The following CACUL1 variants were observed in gnomAD, a reference collection of about 807,000 sequenced individuals.
CACUL1 encodes the protein CDK2 associated cullin domain 1.
CACUL1 carries 13 observed loss-of-function variants against 45.2 expected under a neutral mutation model. The ratio of observed to expected loss-of-function variants is 0.29; its 90% CI spans 0.19 to 0.46. The LOEUF is 0.46. Among genes scored for constraint, CACUL1 ranks in the 20% least tolerant of loss-of-function variants. The pLI is 1.00. For missense variants in CACUL1, 421 were observed against 471.4 expected, an observed-to-expected ratio of 0.89 and a Z score of 0.99; for synonymous variants, 197 against 174.2, an observed-to-expected ratio of 1.13 and a Z score of -1.03.
At chr10:118,749,748 A>C (rs961761584) in intron 1 of CACUL1, among the ~76,000 whole-genome samples, 2 of 152,250 alleles carry the variant, frequency 1.3e-5, no homozygotes. Context: ...CCTAAGAGAC[A>C]GGAACGTCAC....
Position 118,678,283 on chromosome 10 carries a change from C to G in CACUL1, c.*7845G>C, listed in dbSNP as rs1054637602. 2 of 152,202 alleles carry G rather than the reference C, an allele frequency of 1.3e-5. No individual in the cohort carries two copies. The highest frequency in any genetic ancestry group is 4.8e-5 in the African/African-American group (2 of 41,452). The allele number at this position is 152,202 out of a possible 1,614,324, so 9.4% of individuals were successfully genotyped here. A position where few individuals can be genotyped will look rare whatever the true frequency, so the allele number is the denominator to read the frequency against. Reference sequence around the variant, plus strand: ...CAGCATGTTTGGTAATAAGTACTTACAATCAATGGTAGCCAAATTACTTAT... The same window carrying G: ...CAGCATGTTTGGTAATAAGTACTTAGAATCAATGGTAGCCAAATTACTTAT... On this transcript the variant is annotated 3_prime_UTR_variant, in exon 9 of 9. Transcript: ENST00000369151.
chr10:118,688,767 G>A (rs1845232813), intron 7 of CACUL1, among the ~76,000 whole-genome samples: 1 of 152,166 alleles, frequency 6.6e-6, no homozygotes, highest in Non-Finnish European at 1.5e-5. Flanking sequence ...GAGATAAAAA[G>A]AAGCTGTTGC....
intron 5 of CACUL1, among the ~76,000 whole-genome samples, chr10:118,695,704 G>C: frequency 6.6e-6 from 1 of 152,184 alleles, no homozygotes; most frequent in East Asian, 1.9e-4. Context: ...CAAGAGCTAA[G>C]GGCAAGGGAT....
intron 1 of CACUL1, among the ~76,000 whole-genome samples, chr10:118,747,195 C>G (rs939069815): frequency 4.6e-5 from 7 of 152,096 alleles, no homozygotes; most frequent in African/African-American, 1.7e-4. Context: ...TGGTGGGGAC[C>G]GATGCTCTAG....
At chr10:118,696,635 ACTAT>A (rs998521737) in intron 5 of CACUL1, among the ~76,000 whole-genome samples, 2 of 152,192 alleles carry the variant, frequency 1.3e-5, no homozygotes, top group Admixed American at 6.5e-5. Context: ...ACAGCGAGAC[ACTAT>A]CTAATAAAAA....
At chr10:118,744,348 T>C (rs1564839636) in intron 1 of CACUL1, among the ~76,000 whole-genome samples, 2 of 152,024 alleles carry the variant, frequency 1.3e-5, no homozygotes, top group South Asian at 2.1e-4. Flanking sequence ...ATCGCGCCAT[T>C]GCACTCCAGC....
chr10:118,692,330 AAAG>A (rs1161067335), intron 6 of CACUL1: 1 of 152,208 alleles, frequency 6.6e-6, no homozygotes, highest in African/African-American at 2.4e-5. Flanking sequence ...AAAATAAGGC[AAAG>A]AAGTCACAAG....
At chr10:118,727,854 G>A (rs1008191823) in intron 3 of CACUL1, among the ~76,000 whole-genome samples, 1 of 152,190 alleles carries the variant, frequency 6.6e-6, no homozygotes, top group East Asian at 1.9e-4. Flanking sequence ...GAGACCCGAA[G>A]TCCATAAACT....
At position 118,723,660 on chromosome 10, in the gene CACUL1, G is replaced by A. The variant is rs781448710; in HGVS notation, c.597+5635C>T. ...ACTAGTTATTTCTGATTAAGTGCCA[G>A]ATACTGCTTATGAAAAACTATGGAA... On this transcript the variant is annotated intron_variant, in intron 3 of 8. Coordinates refer to ENST00000369151, the MANE Select transcript of CACUL1 (RefSeq NM_153810.5). Among the ~76,000 whole-genome samples, 5 of 152,264 alleles carry A rather than the reference G, an allele frequency of 3.3e-5. No homozygotes were observed. In the South Asian group the frequency reaches 8.3e-4, roughly 25 times the overall value.
At chr10:118,728,843 A>T (rs1217093047) in intron 3 of CACUL1, among the ~76,000 whole-genome samples, 1 of 152,154 alleles carries the variant, frequency 6.6e-6, no homozygotes, top group Non-Finnish European at 1.5e-5. Context: ...GATGATGCCT[A>T]TTTACAGGAG....
At chr10:118,686,470 G>T (rs973460447) in intron 8 of CACUL1, 128 bp downstream of exon 8, 4 of 795,782 alleles carry the variant, frequency 5.0e-6, no homozygotes, top group Admixed American at 2.1e-5. Flanking sequence ...TCCTGACCTT[G>T]ATTACAAGCA....
In CACUL1 at chr10:118,677,765, T is replaced by C. The variant is rs566765871; in HGVS notation, c.*8363A>G. The stretch of plus-strand genomic sequence containing the variant: ...ATTCACTGTATGCTAGATGGGCATT[T>C]GGCTCCCTCCTTCATTCCTTTTAAT... On this transcript the variant is annotated 3_prime_UTR_variant, in exon 9 of 9. Coordinates refer to ENST00000369151, the MANE Select transcript of CACUL1 (RefSeq NM_153810.5). 6.6e-6 allele frequency: 1 copy of C among 152,336 alleles called. No individual in the cohort carries two copies. Among genetic ancestry groups the C allele is most frequent in the East Asian group, 1.9e-4 (1 of 5,188 alleles). The allele number at this position is 152,336 out of a possible 1,614,324, so 9.4% of individuals were successfully genotyped here. A position where few individuals can be genotyped will look rare whatever the true frequency, so the allele number is the denominator to read the frequency against.
intron 7 of CACUL1, 77 bp from the exon 8 acceptor site, chr10:118,686,718 A>G: frequency 9.6e-7 from 1 of 1,037,664 alleles, no homozygotes; most frequent in Non-Finnish European, 1.5e-6. Flanking sequence ...ATTTGATAAT[A>G]AAAGTATAGC....
chr10:118,714,876 G>A (rs1025535374), intron 3 of CACUL1, among the ~76,000 whole-genome samples: 3 of 152,264 alleles, frequency 2.0e-5, no homozygotes, highest in East Asian at 1.9e-4. Context: ...AGGCACCAGC[G>A]TCTATCCATC....
chr10:118,716,521 T>C (rs535282104), intron 3 of CACUL1, among the ~76,000 whole-genome samples: 68 of 152,074 alleles, frequency 4.5e-4, no homozygotes, highest in African/African-American at 1.6e-3. Flanking sequence ...GTTTATGTTA[T>C]CCAGGTCTGC....
chr10:118,749,857 CTG>C (rs60884508), intron 1 of CACUL1, among the ~76,000 whole-genome samples: 4,532 of 152,298 alleles, frequency 0.03, 235 homozygotes, highest in East Asian at 0.19. Flanking sequence ...CGTAGTAACA[CTG>C]TAACTCCCCC....
At chr10:118,743,884 A>C (rs993844446) in intron 1 of CACUL1, among the ~76,000 whole-genome samples, 3 of 152,226 alleles carry the variant, frequency 2.0e-5, no homozygotes, top group African/African-American at 7.2e-5. Flanking sequence ...CTGCAGACAA[A>C]AGCTGAACAA....
At chr10:118,751,691 A>C (rs4752196) in intron 1 of CACUL1, among the ~76,000 whole-genome samples, 119,860 of 152,064 alleles carry the variant, frequency 0.79, 47,307 homozygotes, top group Middle Eastern at 0.83. Context: ...TTTATCCCAC[A>C]CACCATATAA....
chr10:118,688,699 C>T (rs1377850336), intron 7 of CACUL1, among the ~76,000 whole-genome samples: 3 of 152,092 alleles, frequency 2.0e-5, no homozygotes, highest in South Asian at 2.1e-4. Flanking sequence ...GTAGTGTTAC[C>T]GTTGACAACA....
Sources: gnomAD v4.1 joint callset for allele counts (sites outside exome capture counted in the v4.1 genomes callset) on GRCh38, gnomAD v4.1.1 for gene constraint, MANE v1.5 for transcripts, NCBI Gene and HGNC (gene_info 2026-07-23, HGNC 2026-07-21) for gene names.